Variants in TRAPPC9 observed in about 807,000 individuals in gnomAD.
TRAPPC9 encodes the protein trafficking protein particle complex subunit 9, also known as IKK2 binding protein.
A neutral mutation model predicts 124.0 loss-of-function variants in TRAPPC9; 83 were observed. The ratio of observed to expected loss-of-function variants is 0.67; its 90% CI spans 0.56 to 0.80. The LOEUF is 0.80. Ranked by LOEUF, TRAPPC9 falls within the 30% of genes least tolerant of loss-of-function variation. The pLI, the probability that TRAPPC9 is intolerant of heterozygous loss-of-function variation, is 0.00. For synonymous variants in TRAPPC9, 638 were observed against 617.5 expected, an observed-to-expected ratio of 1.03 and a Z score of -0.49; for missense variants, 1,302 against 1,508.3, an observed-to-expected ratio of 0.86 and a Z score of 2.27.
At chr8:139,796,050 AG>A (rs1563819677) in intron 21 of TRAPPC9, among the ~76,000 whole-genome samples, 1,847 of 143,104 alleles carry the variant, frequency 0.013, 55 homozygotes, top group African/African-American at 0.049. Flanking sequence ...GAGGAGAAGG[AG>A]GAGGAAGAGG....
chr8:140,138,455 C>T (rs1431896864), intron 17 of TRAPPC9, among the ~76,000 whole-genome samples: 2 of 152,182 alleles, frequency 1.3e-5, no homozygotes, highest in African/African-American at 2.4e-5. Flanking sequence ...AAAGGATGCC[C>T]CACGTCCTAA....
chr8:140,053,539 G>A (rs1189859352), intron 17 of TRAPPC9, among the ~76,000 whole-genome samples: 1 of 152,190 alleles, frequency 6.6e-6, no homozygotes, highest in Non-Finnish European at 1.5e-5. Context: ...ATCTGCCACT[G>A]TTGGGTGGGA....
chr8:139,898,523 C>T (rs910600003), intron 20 of TRAPPC9, among the ~76,000 whole-genome samples: 18 of 152,148 alleles, frequency 1.2e-4, no homozygotes, highest in Non-Finnish European at 2.1e-4. Context: ...AAGCTTGTGT[C>T]CGGGAAGATT....
intron 1 of TRAPPC9, among the ~76,000 whole-genome samples, chr8:140,453,033 C>T (rs1221861954): frequency 6.6e-6 from 1 of 152,094 alleles, no homozygotes; most frequent in Non-Finnish European, 1.5e-5. Context: ...ATATAGGATC[C>T]CTCAGTATTA....
At chr8:140,444,685 A>C (rs1588369633) in intron 2 of TRAPPC9, among the ~76,000 whole-genome samples, 2 of 150,332 alleles carry the variant, frequency 1.3e-5, no homozygotes, top group Non-Finnish European at 3.0e-5. Flanking sequence ...ACATGGTGAG[A>C]CCCCCCCCAT....
chr8:140,166,071 C>G (rs948006519), intron 17 of TRAPPC9, among the ~76,000 whole-genome samples: 9 of 152,194 alleles, frequency 5.9e-5, no homozygotes, highest in Admixed American at 6.5e-5. Context: ...CATATGTGCA[C>G]CTACGACCAG....
At chr8:139,854,609 G>C (rs1586993561) in intron 21 of TRAPPC9, among the ~76,000 whole-genome samples, 1 of 152,224 alleles carries the variant, frequency 6.6e-6, no homozygotes, top group East Asian at 1.9e-4. Context: ...TAACCTCTCT[G>C]AGCCTCGGTG....
At chr8:140,386,722 G>A (rs559983556) in intron 7 of TRAPPC9, among the ~76,000 whole-genome samples, 8 of 152,242 alleles carry the variant, frequency 5.3e-5, no homozygotes, top group African/African-American at 1.2e-4. Flanking sequence ...AATCAATATC[G>A]TGAAAATGGC....
intron 19 of TRAPPC9, among the ~76,000 whole-genome samples, chr8:139,930,976 C>T (rs1833107095): frequency 6.6e-6 from 1 of 152,178 alleles, no homozygotes; most frequent in Non-Finnish European, 1.5e-5. Context: ...AGGGTGCCCA[C>T]CCTGCTGGAA....
At chr8:140,431,996 T>C (rs1314130102) in intron 4 of TRAPPC9, among the ~76,000 whole-genome samples, 1 of 152,184 alleles carries the variant, frequency 6.6e-6, no homozygotes, top group Non-Finnish European at 1.5e-5. Context: ...AATGACATAA[T>C]AAAAATAACT....
chr8:140,217,439 G>A (rs184259920), intron 17 of TRAPPC9, among the ~76,000 whole-genome samples: 14 of 152,294 alleles, frequency 9.2e-5, no homozygotes, highest in African/African-American at 2.9e-4. Context: ...GAGGGTGCCG[G>A]TAGCAGTGGA....
rs1327492069 is a variant in TRAPPC9 at position 140,104,870 on chromosome 8, T to C, written c.2557-80791A>G. Reference sequence around the variant, plus strand: ...CTTTCTAACCCTTTTAGAAACAGTGTTAATGGCGACATTTAACGACATGGA... The same window carrying C: ...CTTTCTAACCCTTTTAGAAACAGTGCTAATGGCGACATTTAACGACATGGA... On this transcript the variant is annotated intron_variant, in intron 17 of 22. Transcript: ENST00000438773. This position sits in a 1 kb window ranked among gnomAD's most constrained non-coding sequence, Gnocchi z 4.0. 6.6e-6 allele frequency among the ~76,000 whole-genome samples: 1 copy of C among 152,228 alleles called. No homozygotes were observed. The highest frequency in any genetic ancestry group is 2.4e-5 in the African/African-American group (1 of 41,460).
intron 5 of TRAPPC9, among the ~76,000 whole-genome samples, chr8:140,407,063 G>A (rs1341710368): frequency 6.6e-6 from 1 of 152,158 alleles, no homozygotes; most frequent in Non-Finnish European, 1.5e-5. Flanking sequence ...CACACTCAGC[G>A]GAAGCAGGAC....
intron 15 of TRAPPC9, among the ~76,000 whole-genome samples, chr8:140,269,148 C>CA (rs1238352439): frequency 4.0e-5 from 6 of 151,472 alleles, no homozygotes; most frequent in Admixed American, 6.6e-5. Context: ...TGTATTTTAC[C>CA]AAAAAAAAGT....
chr8:139,936,207 G>A (rs559503849), intron 19 of TRAPPC9, among the ~76,000 whole-genome samples: 11 of 152,358 alleles, frequency 7.2e-5, no homozygotes, highest in South Asian at 2.1e-4. Context: ...CCAACAAACC[G>A]TCTAGCACGC....
chr8:140,357,051 A>G (rs535730623), intron 9 of TRAPPC9, among the ~76,000 whole-genome samples: 12 of 152,238 alleles, frequency 7.9e-5, no homozygotes, highest in Non-Finnish European at 1.5e-4. Flanking sequence ...TGCCAGGTCC[A>G]GCTCCAGGTA....
intron 17 of TRAPPC9, among the ~76,000 whole-genome samples, chr8:140,120,734 A>G (rs1326560918): frequency 6.8e-6 from 1 of 146,622 alleles, no homozygotes; most frequent in Non-Finnish European, 1.5e-5. Context: ...CATCCATCCA[A>G]CATCCATCCA....
chr8:140,233,625 A>C (rs1410436898), intron 16 of TRAPPC9, among the ~76,000 whole-genome samples: 2 of 100,880 alleles, frequency 2.0e-5, no homozygotes, highest in South Asian at 4.1e-4. Context: ...TCTCCCCACC[A>C]CACACACACA....
chr8:139,997,452 AGGAGACAATATATCCCACACAGG>A (rs1563676423), intron 18 of TRAPPC9, among the ~76,000 whole-genome samples: 1 of 132,250 alleles, frequency 7.6e-6, no homozygotes, highest in African/African-American at 2.8e-5. Flanking sequence ...TCCCACACAG[AGGAGACAATATATCCCACACAGG>A]GGAGACAATG....
Sources: gnomAD v4.1 joint callset for allele counts (sites outside exome capture counted in the v4.1 genomes callset) on GRCh38, gnomAD v4.1.1 for gene constraint, Gnocchi (gnomAD v3.1) non-coding constraint, MANE v1.5 for transcripts, NCBI Gene and HGNC (gene_info 2026-07-23, HGNC 2026-07-21) for gene names.